The following PPM1L variants were observed in gnomAD, a reference collection of about 807,000 sequenced individuals.
PPM1L encodes protein phosphatase 1L.
Under a neutral mutation model 31.4 loss-of-function variants are expected in PPM1L, and 13 were observed. The ratio of observed to expected loss-of-function variants is 0.41; its 90% CI spans 0.27 to 0.66. The LOEUF is 0.66. PPM1L is among the 30% of genes least tolerant of loss of function. PPM1L has a pLI of 0.29. For synonymous variants in PPM1L, 184 were observed against 175.4 expected (o/e 1.05, Z -0.39); for missense variants, 326 against 453.7 (o/e 0.72, Z 2.56).
intron 2 of PPM1L, chr3:161,036,024 T>G (rs1209331621): frequency 1.3e-5 from 2 of 152,218 alleles, no homozygotes; most frequent in Admixed American, 1.3e-4. Flanking sequence ...AATCAAGCCA[T>G]GACTCAGATT....
At chr3:161,001,544 TAC>T (rs959434082) in intron 2 of PPM1L, among the ~76,000 whole-genome samples, 4 of 152,152 alleles carry the variant, frequency 2.6e-5, no homozygotes, top group Non-Finnish European at 5.9e-5. Flanking sequence ...GTGCTGGAAT[TAC>T]ACAGTTTTAA....
At chr3:160,866,388 A>G (rs1712087153) in intron 1 of PPM1L, among the ~76,000 whole-genome samples, 1 of 152,178 alleles carries the variant, frequency 6.6e-6, no homozygotes, top group East Asian at 1.9e-4. Flanking sequence ...TGAAAACATA[A>G]CAAAACTTTA....
chr3:160,926,647 C>T (rs1233476721), intron 1 of PPM1L, among the ~76,000 whole-genome samples: 1 of 152,164 alleles, frequency 6.6e-6, no homozygotes, highest in Non-Finnish European at 1.5e-5. Flanking sequence ...CTATGGCTCC[C>T]TCTGATTAAG....
chr3:161,062,862 G>C (rs1319208320), intron 2 of PPM1L, among the ~76,000 whole-genome samples: 2 of 152,258 alleles, frequency 1.3e-5, no homozygotes, highest in African/African-American at 4.8e-5. Flanking sequence ...CTGGAGTACA[G>C]GCAAATGGAA....
chr3:161,052,987 G>A (rs568282525), intron 2 of PPM1L, among the ~76,000 whole-genome samples: 1 of 152,144 alleles, frequency 6.6e-6, no homozygotes, highest in African/African-American at 2.4e-5. Flanking sequence ...CACTCCCATA[G>A]CATTCATAAA....
At chr3:160,794,120 G>C (rs1712176771) in intron 1 of PPM1L, among the ~76,000 whole-genome samples, 1 of 151,912 alleles carries the variant, frequency 6.6e-6, no homozygotes, top group Non-Finnish European at 1.5e-5. Context: ...TCAGCCACAG[G>C]AAATCCATTT....
At chr3:160,838,062 A>G (rs1486280866) in intron 1 of PPM1L, among the ~76,000 whole-genome samples, 1 of 152,134 alleles carries the variant, frequency 6.6e-6, no homozygotes, top group East Asian at 1.9e-4. Context: ...AAAAAAGGAA[A>G]AAGTTTCAGC....
Position 161,074,030 on chromosome 3 carries a change from G to GA in PPM1L, c.*4877dup, listed in dbSNP as rs1352891487. 2 of 152,046 alleles carry GA rather than the reference G, an allele frequency of 1.3e-5. No individual in the cohort carries two copies. The highest frequency in any genetic ancestry group is 6.6e-5 in the Admixed American group (1 of 15,254). 9.4% of individuals were successfully genotyped at this position (152,046 alleles called of 1,614,324 possible). A position where few individuals can be genotyped will look rare whatever the true frequency, so the allele number is the denominator to read the frequency against. ...ACTATATGATATTTAAAAATATACAGAAAATCACAGAAAAGGAAAAACAGA... is the reference window on the plus strand; with the variant it reads ...ACTATATGATATTTAAAAATATACAGAAAAATCACAGAAAAGGAAAAACAGA... On this transcript the variant is annotated 3_prime_UTR_variant, in exon 4 of 4. Coordinates refer to ENST00000498165, the MANE Select transcript of PPM1L (RefSeq NM_139245.4).
intron 1 of PPM1L, among the ~76,000 whole-genome samples, chr3:160,827,367 A>G (rs1161722207): frequency 1.3e-5 from 2 of 151,622 alleles, no homozygotes; most frequent in African/African-American, 2.4e-5. Context: ...ATTTCTTGTT[A>G]CCTTCTCTTT....
intron 2 of PPM1L, among the ~76,000 whole-genome samples, chr3:160,983,103 A>T (rs2108036500): frequency 6.6e-6 from 1 of 152,338 alleles, no homozygotes; most frequent in Non-Finnish European, 1.5e-5. Context: ...CTCGAGAATC[A>T]GCTTGTGAGA....
At chr3:160,940,238 C>T (rs114821238) in intron 1 of PPM1L, among the ~76,000 whole-genome samples, 4,402 of 152,224 alleles carry the variant, frequency 0.029, 106 homozygotes, top group Non-Finnish European at 0.041. Flanking sequence ...GGAAGCAGAG[C>T]ACAAGCATTT....
At chr3:160,795,513 C>T (rs1172676860) in intron 1 of PPM1L, among the ~76,000 whole-genome samples, 1 of 152,162 alleles carries the variant, frequency 6.6e-6, no homozygotes, top group Non-Finnish European at 1.5e-5. Context: ...CAAAACAACC[C>T]TCAGACCCCA....
At chr3:160,968,085 C>A (rs563957894) in intron 2 of PPM1L, among the ~76,000 whole-genome samples, 1 of 151,862 alleles carries the variant, frequency 6.6e-6, no homozygotes, top group Non-Finnish European at 1.5e-5. Flanking sequence ...TTCATAGCAT[C>A]TGCTCATGAA....
chr3:160,979,576 T>C (rs961502563), intron 2 of PPM1L, among the ~76,000 whole-genome samples: 1 of 152,072 alleles, frequency 6.6e-6, no homozygotes, highest in Non-Finnish European at 1.5e-5. Context: ...ATAACATTAT[T>C]CAATGACCTG....
intron 2 of PPM1L, among the ~76,000 whole-genome samples, chr3:160,996,505 G>A (rs1424214521): frequency 6.6e-6 from 1 of 152,162 alleles, no homozygotes; most frequent in African/African-American, 2.4e-5. Context: ...GGATGGAATT[G>A]GAGACCATTA....
At chr3:160,941,161 G>A (rs1715150245) in intron 1 of PPM1L, among the ~76,000 whole-genome samples, 1 of 152,094 alleles carries the variant, frequency 6.6e-6, no homozygotes, top group African/African-American at 2.4e-5. Flanking sequence ...CCCAATACCT[G>A]TACCCACATT....
chr3:161,003,846 A>G (rs1440931693), intron 2 of PPM1L, among the ~76,000 whole-genome samples: 17 of 151,102 alleles, frequency 1.1e-4, no homozygotes, highest in African/African-American at 3.9e-4. Flanking sequence ...TCTCCTGCCT[A>G]ATTGCCCTGG....
At chr3:160,858,630 TTTAC>T (rs1472583770) in intron 1 of PPM1L, among the ~76,000 whole-genome samples, 4 of 152,204 alleles carry the variant, frequency 2.6e-5, no homozygotes, top group Non-Finnish European at 5.9e-5. Context: ...AGTTTCACCC[TTTAC>T]TTATTAGTTA....
intron 2 of PPM1L, among the ~76,000 whole-genome samples, chr3:161,057,189 G>A (rs879663825): frequency 2.0e-5 from 3 of 152,136 alleles, no homozygotes; most frequent in African/African-American, 7.2e-5. Context: ...TGTACAGTAA[G>A]TTGGCAGCTG....
Sources: allele counts gnomAD v4.1 joint callset (sites outside exome capture counted in the v4.1 genomes callset), GRCh38; gene constraint gnomAD v4.1.1; transcripts MANE v1.5; gene names NCBI Gene and HGNC (gene_info 2026-07-23, HGNC 2026-07-21).